The following ZBTB20 variants were observed in gnomAD, a reference collection of about 807,000 sequenced individuals.
The protein encoded by ZBTB20 is zinc finger and BTB domain containing 20, also known as zinc finger and BTB domain-containing protein 20.
Under a neutral mutation model 56.9 loss-of-function variants are expected in ZBTB20, and 9 were observed. That is an observed-to-expected ratio of 0.16 (90% CI 0.10 to 0.28). The LOEUF (loss-of-function observed/expected upper bound fraction) is 0.28. Ranked by LOEUF, ZBTB20 falls within the 10% of genes least tolerant of loss-of-function variation. The probability of loss-of-function intolerance (pLI) is 1.00; values close to 1 mark genes in which losing one functional copy is unlikely to be tolerated. For synonymous variants in ZBTB20, 417 were observed against 420.7 expected (o/e 0.99, Z 0.11); for missense variants, 655 against 1,003.0 (o/e 0.65, Z 4.69).
chr3:114,935,061 A>G lies in ZBTB20; in HGVS notation c.-455-34719T>C, dbSNP rs1338134147. Among the ~76,000 whole-genome samples, 4 of 152,296 alleles carry G rather than the reference A, an allele frequency of 2.6e-5. No individual in the cohort carries two copies. The East Asian group carries it at 7.7e-4, about 29-fold the overall frequency. ...ATCAAAAAATGAACCATCAACTTTA[A>G]GAGAAATGAAAAAATCAATTTGGGT... On this transcript the variant is annotated intron_variant, in intron 3 of 11. Coordinates refer to ENST00000675478, the MANE Select transcript of ZBTB20 (RefSeq NM_001348800.3).
intron 7 of ZBTB20, among the ~76,000 whole-genome samples, chr3:114,432,818 C>T (rs562929099): frequency 1.9e-4 from 29 of 152,150 alleles, no homozygotes; most frequent in African/African-American, 7.0e-4. Context: ...CTAATCAGGT[C>T]GGAGAGTAAT....
chr3:114,403,674 T>A (rs556821447), intron 7 of ZBTB20, among the ~76,000 whole-genome samples: 180 of 152,154 alleles, frequency 1.2e-3, no homozygotes, highest in African/African-American at 4.2e-3. Flanking sequence ...ATTTTTAGAA[T>A]CAGCTATAGA....
intron 4 of ZBTB20, among the ~76,000 whole-genome samples, chr3:114,892,459 C>T (rs2076849898): frequency 6.6e-6 from 1 of 152,154 alleles, no homozygotes; most frequent in African/African-American, 2.4e-5. Flanking sequence ...ATGGTCAGTA[C>T]TGTCAGGATC....
chr3:114,631,382 CTTTTTTTTTTTTTT>C (rs66470152), intron 6 of ZBTB20, among the ~76,000 whole-genome samples: 2 of 49,828 alleles, frequency 4.0e-5, no homozygotes, highest in South Asian at 1.1e-3. Flanking sequence ...ATAGGTTATT[CTTTTTTTTTTTTTT>C]TTTTTTTTTT....
intron 5 of ZBTB20, among the ~76,000 whole-genome samples, chr3:114,712,241 C>T (rs1266592060): frequency 2.0e-5 from 3 of 152,114 alleles, no homozygotes; most frequent in Non-Finnish European, 2.9e-5. Context: ...TATGAAACTG[C>T]TATTTTCCAC....
chr3:114,903,045 CAA>C (rs1351082063), intron 3 of ZBTB20, among the ~76,000 whole-genome samples: 1 of 152,060 alleles, frequency 6.6e-6, no homozygotes, highest in East Asian at 1.9e-4. Flanking sequence ...GAAGTGGTGA[CAA>C]ACACTAAGAG....
chr3:114,720,841 G>A (rs1177356949), intron 5 of ZBTB20, among the ~76,000 whole-genome samples: 1 of 152,070 alleles, frequency 6.6e-6, no homozygotes, highest in Non-Finnish European at 1.5e-5. Context: ...TATTTGTTGG[G>A]ATAATGCCCA....
At chr3:115,055,702 TTTTA>T (rs2081751922) in intron 2 of ZBTB20, among the ~76,000 whole-genome samples, 1 of 152,170 alleles carries the variant, frequency 6.6e-6, no homozygotes, top group African/African-American at 2.4e-5. Flanking sequence ...GAATGTCATT[TTTTA>T]TTTTTCTATT....
chr3:114,400,725 C>T (rs533768949), intron 7 of ZBTB20, among the ~76,000 whole-genome samples: 15 of 152,238 alleles, frequency 9.9e-5, no homozygotes, highest in Non-Finnish European at 1.8e-4. Context: ...TCAGACGTCA[C>T]TGCTCCTGAG....
At chr3:114,712,983 G>A (rs1055074397) in intron 5 of ZBTB20, among the ~76,000 whole-genome samples, 9 of 152,090 alleles carry the variant, frequency 5.9e-5, no homozygotes, top group African/African-American at 1.9e-4. Context: ...CAGCTATTCC[G>A]ATGTATCTAT....
intron 5 of ZBTB20, among the ~76,000 whole-genome samples, chr3:114,781,113 T>C (rs1408663340): frequency 6.6e-6 from 1 of 152,212 alleles, no homozygotes; most frequent in Non-Finnish European, 1.5e-5. Context: ...ATACCTAATA[T>C]GTATTCACAA....
At chr3:114,821,130 T>C (rs1377330321) in intron 4 of ZBTB20, among the ~76,000 whole-genome samples, 1 of 152,146 alleles carries the variant, frequency 6.6e-6, no homozygotes, top group African/African-American at 2.4e-5. Context: ...GCTTAAAAAA[T>C]AGCTGCCAAA....
At chr3:114,795,742 T>C (rs549586154) in intron 5 of ZBTB20, among the ~76,000 whole-genome samples, 11 of 152,208 alleles carry the variant, frequency 7.2e-5, no homozygotes, top group African/African-American at 2.4e-4. Context: ...GTAATTATGT[T>C]TGCACTTATT....
chr3:114,981,308 T>C (rs572947384), intron 2 of ZBTB20, among the ~76,000 whole-genome samples: 1 of 152,098 alleles, frequency 6.6e-6, no homozygotes, highest in Non-Finnish European at 1.5e-5. Context: ...TATTTTGTTA[T>C]GATTTGTAAC....
At chr3:114,456,709 T>C (rs1305559604) in intron 7 of ZBTB20, among the ~76,000 whole-genome samples, 3 of 152,152 alleles carry the variant, frequency 2.0e-5, no homozygotes, top group African/African-American at 4.8e-5. Context: ...CTTTTGACAA[T>C]GGGTAATTGA....
At chr3:114,731,701 A>C (rs143233591) in intron 5 of ZBTB20, among the ~76,000 whole-genome samples, 1 of 152,068 alleles carries the variant, frequency 6.6e-6, no homozygotes, top group Non-Finnish European at 1.5e-5. Flanking sequence ...ATTAGTAACT[A>C]ACCCGGCTGT....
intron 2 of ZBTB20, among the ~76,000 whole-genome samples, chr3:115,069,605 G>A (rs1328783812): frequency 6.6e-6 from 1 of 152,138 alleles, no homozygotes; most frequent in Admixed American, 6.6e-5. Context: ...AAAAAGGTAG[G>A]TTGGAGGTAG....
At chr3:114,566,236 G>A (rs1031589970) in intron 6 of ZBTB20, among the ~76,000 whole-genome samples, 2 of 152,006 alleles carry the variant, frequency 1.3e-5, no homozygotes, top group Non-Finnish European at 2.9e-5. Context: ...ATTGAAACAC[G>A]GAAGCTTGAA....
At chr3:114,619,737 A>C (rs1258526360) in intron 6 of ZBTB20, among the ~76,000 whole-genome samples, 1 of 152,188 alleles carries the variant, frequency 6.6e-6, no homozygotes, top group Non-Finnish European at 1.5e-5. Flanking sequence ...ATGAGAAACA[A>C]CTGCAGTAGG....
Sources: gnomAD v4.1 joint callset for allele counts (sites outside exome capture counted in the v4.1 genomes callset) on GRCh38, gnomAD v4.1.1 for gene constraint, MANE v1.5 for transcripts, NCBI Gene and HGNC (gene_info 2026-07-23, HGNC 2026-07-21) for gene names.